Variants in NALCN observed in about 807,000 individuals in gnomAD.
NALCN encodes sodium leak channel, non-selective.
In NALCN, 111 loss-of-function variants were observed where a neutral mutation model predicts 225.3. That is an observed-to-expected ratio of 0.49 (90% CI 0.42 to 0.58). NALCN has a LOEUF of 0.58. NALCN is among the 20% of genes least tolerant of loss of function. The probability of loss-of-function intolerance (pLI) is 0.00; values close to 1 mark genes in which losing one functional copy is unlikely to be tolerated. For missense variants in NALCN, 1,378 were observed against 2,202.4 expected, an observed-to-expected ratio of 0.63 and a Z score of 7.49; for synonymous variants, 764 against 769.0, an observed-to-expected ratio of 0.99 and a Z score of 0.11.
At chr13:101,269,949 AGAATATTAG>A (rs761068506) in intron 10 of NALCN, among the ~76,000 whole-genome samples, 50 of 152,228 alleles carry the variant, frequency 3.3e-4, no homozygotes, top group Middle Eastern at 6.3e-3. Flanking sequence ...AATAAAAATA[AGAATATTAG>A]TCCTTCCACA....
At chr13:101,333,109 C>T (rs1054007124) in intron 7 of NALCN, among the ~76,000 whole-genome samples, 2 of 152,122 alleles carry the variant, frequency 1.3e-5, no homozygotes, top group African/African-American at 4.8e-5. Flanking sequence ...ACATCTCATT[C>T]TTCTGCTTAC....
chr13:101,181,706 C>T (rs1442188042), intron 14 of NALCN, among the ~76,000 whole-genome samples: 4 of 152,090 alleles, frequency 2.6e-5, no homozygotes, highest in African/African-American at 9.7e-5. Flanking sequence ...TGTGCCACTG[C>T]ACTCTAGGCC....
intron 41 of NALCN, 115 bp from the exon 42 acceptor site, chr13:101,060,082 T>TTA (rs1421659685): frequency 5.2e-6 from 6 of 1,161,564 alleles, no homozygotes; most frequent in Non-Finnish European, 6.0e-6. Context: ...ACGGGTGACC[T>TTA]CTTAGGAATT....
rs945829504 is a variant in NALCN at position 101,312,146 on chromosome 13, G to A, written c.800-19780C>T. Among the ~76,000 whole-genome samples the A allele has an allele frequency of 6.8e-4, 104 of 152,224 alleles. 1 individual carries two copies. The highest frequency in any genetic ancestry group is 2.4e-3 in the Admixed American group (37 of 15,278). On this transcript the variant is annotated intron_variant, in intron 7 of 43. Coordinates refer to ENST00000251127, the MANE Select transcript of NALCN (RefSeq NM_052867.4). ...CTTCTAGATTTTCTAGTTTATTTGC[G>A]TAGAGGTGTTTGTAATATTCTCTGA...
At chr13:101,140,290 C>A (rs983693851) in intron 17 of NALCN, among the ~76,000 whole-genome samples, 2 of 152,176 alleles carry the variant, frequency 1.3e-5, no homozygotes, top group African/African-American at 4.8e-5. Context: ...TCTCTTTAGA[C>A]TCCTCCTCAG....
chr13:101,193,850 C>T (rs57597959), intron 13 of NALCN, among the ~76,000 whole-genome samples: 2,182 of 152,142 alleles, frequency 0.014, 46 homozygotes, highest in African/African-American at 0.049. Flanking sequence ...AGATGATTCA[C>T]ATAAAAATAT....
chr13:101,312,042 G>T (rs1189503545), intron 7 of NALCN, among the ~76,000 whole-genome samples: 6 of 152,192 alleles, frequency 3.9e-5, no homozygotes, highest in Non-Finnish European at 7.3e-5. Context: ...TTCAGAGCCT[G>T]TTATTGGTCT....
chr13:101,224,150 G>A (rs756040316), intron 13 of NALCN, among the ~76,000 whole-genome samples: 1 of 152,076 alleles, frequency 6.6e-6, no homozygotes, highest in Non-Finnish European at 1.5e-5. Context: ...AACCCCTTCA[G>A]CCTTCTCTTG....
chr13:101,089,957 A>G lies in NALCN; in HGVS notation c.3279T>C (p.Pro1093=). ...GFWVPRVWAN[P]RNFNFDNVGN... ...CCACATTGTCGAAATTAAAGTTCCG[A>G]GGATTCGCCCTGCGATTCCAATACA... Residue 1093 remains proline (P), a synonymous_variant, in exon 29 of 44, where the codon CCT becomes CCC. Coordinates refer to ENST00000251127, the MANE Select transcript of NALCN (RefSeq NM_052867.4). The surrounding 1 kb of genome is among the most constrained non-coding windows in gnomAD (Gnocchi z 4.7). 1 of 1,613,972 alleles carries G rather than the reference A, an allele frequency of 6.2e-7. No homozygotes were observed. Among genetic ancestry groups the G allele is most frequent in the African/African-American group, 1.3e-5 (1 of 75,036 alleles).
intron 10 of NALCN, among the ~76,000 whole-genome samples, chr13:101,262,710 C>G (rs1196129223): frequency 6.6e-6 from 1 of 152,166 alleles, no homozygotes; most frequent in Non-Finnish European, 1.5e-5. Flanking sequence ...CTGCCAATGT[C>G]TCCATGACTC....
intron 11 of NALCN, among the ~76,000 whole-genome samples, chr13:101,251,749 G>A (rs1258499704): frequency 6.6e-6 from 1 of 152,118 alleles, no homozygotes; most frequent in Non-Finnish European, 1.5e-5. Context: ...GTCTAATCCT[G>A]CCCAAATCTT....
At chr13:101,121,661 T>C (rs2035979277) in intron 18 of NALCN, among the ~76,000 whole-genome samples, 1 of 152,214 alleles carries the variant, frequency 6.6e-6, no homozygotes, top group South Asian at 2.1e-4. Context: ...CTTTTATTTA[T>C]ATCAAGATAG....
chr13:101,402,710 T>A (rs1049135319), intron 1 of NALCN, among the ~76,000 whole-genome samples: 1 of 152,146 alleles, frequency 6.6e-6, no homozygotes, highest in Non-Finnish European at 1.5e-5. Context: ...CAGCTACTAA[T>A]TTAGAGAGGT....
intron 10 of NALCN, among the ~76,000 whole-genome samples, chr13:101,272,331 A>G (rs1296052813): frequency 6.6e-6 from 1 of 152,160 alleles, no homozygotes; most frequent in Non-Finnish European, 1.5e-5. Flanking sequence ...GTATCGTTTG[A>G]CACCTGCCTA....
intron 3 of NALCN, among the ~76,000 whole-genome samples, chr13:101,384,569 C>T (rs2046936089): frequency 6.6e-6 from 1 of 152,148 alleles, no homozygotes; most frequent in East Asian, 1.9e-4. Flanking sequence ...GTCACTATGT[C>T]TTAGCATCAT....
At chr13:101,138,409 G>A (rs1242765088) in intron 17 of NALCN, among the ~76,000 whole-genome samples, 5 of 152,206 alleles carry the variant, frequency 3.3e-5, no homozygotes, top group Non-Finnish European at 1.5e-5. Flanking sequence ...ACTATCATAT[G>A]CTTCAGCAGA....
At chr13:101,388,981 G>A (rs1041785257) in intron 3 of NALCN, among the ~76,000 whole-genome samples, 2 of 152,174 alleles carry the variant, frequency 1.3e-5, no homozygotes, top group Non-Finnish European at 1.5e-5. Flanking sequence ...TGTGAGCTAG[G>A]GCCGGGCAAC....
At chr13:101,065,605 T>C (rs746886863) in intron 39 of NALCN, 44 bp from the exon 40 acceptor site, 2 of 1,589,754 alleles carry the variant, frequency 1.3e-6, no homozygotes, top group South Asian at 1.1e-5. Flanking sequence ...CAGGCCTCGA[T>C]GATTCACTTG....
At chr13:101,256,656 C>T (rs183277794) in intron 11 of NALCN, among the ~76,000 whole-genome samples, 7 of 152,244 alleles carry the variant, frequency 4.6e-5, no homozygotes, top group Admixed American at 6.5e-5. Context: ...GACCTTGCTT[C>T]CTACTTCCTG....
Sources: allele counts gnomAD v4.1 joint callset (sites outside exome capture counted in the v4.1 genomes callset), GRCh38; gene constraint gnomAD v4.1.1; non-coding constraint Gnocchi (gnomAD v3.1); transcripts MANE v1.5; gene names NCBI Gene and HGNC (gene_info 2026-07-23, HGNC 2026-07-21).